The following HTR3B variants were observed in gnomAD, a reference collection of about 807,000 sequenced individuals.
HTR3B encodes 5-hydroxytryptamine (serotonin) receptor 3B, ionotropic.
HTR3B carries 44 observed loss-of-function variants against 42.8 expected under a neutral mutation model. The ratio of observed to expected loss-of-function variants is 1.03; its 90% CI spans 0.81 to 1.32. The LOEUF is 1.32. HTR3B is among the 40% of genes most tolerant of loss of function. The pLI, the probability that HTR3B is intolerant of heterozygous loss-of-function variation, is 0.00. For synonymous variants in HTR3B, 203 were observed against 209.0 expected (o/e 0.97, Z 0.25); for missense variants, 527 against 536.5 (o/e 0.98, Z 0.17).
At position 113,946,335 on chromosome 11, in the gene HTR3B, T is replaced by G; in HGVS notation, c.*198T>G. The G allele has an allele frequency of 5.2e-6, 2 of 387,680 alleles. No individual in the cohort carries two copies. Among genetic ancestry groups the G allele is most frequent in the Non-Finnish European group, 4.6e-6 (1 of 217,214 alleles). The allele number at this position is 387,680 out of a possible 1,614,324, so 24.0% of individuals were successfully genotyped here. On this transcript the variant is annotated 3_prime_UTR_variant, in exon 9 of 9. Coordinates refer to ENST00000260191, the MANE Select transcript of HTR3B (RefSeq NM_006028.5). ...GAGCAACATAGTGAGACCACATCTC[T>G]ACCAGTAAATAAATAAATAAATAAA...
At chr11:113,910,688 C>T (rs1226025522) in intron 2 of HTR3B, among the ~76,000 whole-genome samples, 1 of 152,032 alleles carries the variant, frequency 6.6e-6, no homozygotes, top group East Asian at 1.9e-4. Context: ...GATCCATCTG[C>T]CTCGGCCTCC....
rs1448991691 is a variant in HTR3B, at chr11:113,948,121, G to T, written c.*1984G>T. On this transcript the variant is annotated 3_prime_UTR_variant, in exon 9 of 9. Transcript: ENST00000260191. The stretch of plus-strand genomic sequence containing the variant: ...GCTGTTAATGAAATGAGGAACATAA[G>T]AAGTTTGTGAACAGGAAGTGTCCAT... Among the ~76,000 whole-genome samples the T allele has an allele frequency of 6.6e-6, 1 of 152,142 alleles. No individual in the cohort carries two copies. Among genetic ancestry groups the T allele is most frequent in the African/African-American group, 2.4e-5 (1 of 41,432 alleles).
chr11:113,910,486 G>A (rs775297335), intron 2 of HTR3B, among the ~76,000 whole-genome samples: 3 of 150,338 alleles, frequency 2.0e-5, no homozygotes, highest in Non-Finnish European at 4.4e-5. Context: ...TGTCACCCAG[G>A]CTGGAGTCCA....
At chr11:113,908,066 T>C (rs527470512) in intron 1 of HTR3B, among the ~76,000 whole-genome samples, 1 of 152,318 alleles carries the variant, frequency 6.6e-6, no homozygotes. Context: ...TTAGGCATCT[T>C]CTTGGGTGGA....
intron 2 of HTR3B, among the ~76,000 whole-genome samples, chr11:113,922,608 T>G (rs896936091): frequency 1.3e-5 from 2 of 151,998 alleles, no homozygotes; most frequent in African/African-American, 4.8e-5. Flanking sequence ...CAGGCTGGAG[T>G]GCAGTGGCAA....
At chr11:113,943,702 A>T (rs575541094) in intron 7 of HTR3B, among the ~76,000 whole-genome samples, 2 of 151,996 alleles carry the variant, frequency 1.3e-5, no homozygotes, top group African/African-American at 4.8e-5. Context: ...GATTTCAGCT[A>T]TTCAGGAAGC....
At chr11:113,913,631 C>T (rs1949821396) in intron 2 of HTR3B, among the ~76,000 whole-genome samples, 1 of 152,068 alleles carries the variant, frequency 6.6e-6, no homozygotes, top group Admixed American at 6.6e-5. Flanking sequence ...ACTCCAGCCT[C>T]AGTCTCCCGA....
In HTR3B at chr11:113,925,502, C is replaced by A. The variant is rs534594974; in HGVS notation, c.214-5882C>A. 1.6e-4 allele frequency among the ~76,000 whole-genome samples: 23 copies of A among 148,014 alleles called. No homozygotes were observed. The South Asian group carries it at 4.9e-3, about 32-fold the overall frequency. On this transcript the variant is annotated intron_variant, in intron 2 of 8. Coordinates refer to ENST00000260191, the MANE Select transcript of HTR3B (RefSeq NM_006028.5). ...GCAGTGGCGCCATCTCTGCTCACTG[C>A]AACCTCCGCCTCCTGGGTTCAAACG...
rs542694684 is a variant in HTR3B at position 113,939,050 on chromosome 11, G to T, written c.697-3932G>T. Reference sequence around the variant, plus strand: ...TGCCCTTAAATAACCACAAGAAAAAGGTGGATTCTTTCTTCTGGAAGAAAA... The same window carrying T: ...TGCCCTTAAATAACCACAAGAAAAATGTGGATTCTTTCTTCTGGAAGAAAA... On this transcript the variant is annotated intron_variant, in intron 6 of 8. Transcript: ENST00000260191. Among the ~76,000 whole-genome samples the T allele has an allele frequency of 4.0e-5, 6 of 151,676 alleles. No homozygotes were observed. The South Asian group carries it at 1.0e-3, about 26-fold the overall frequency.
chr11:113,914,233 C>T (rs1384011797), intron 2 of HTR3B, among the ~76,000 whole-genome samples: 2 of 151,622 alleles, frequency 1.3e-5, no homozygotes, highest in Non-Finnish European at 2.9e-5. Flanking sequence ...TTCGGGAGGC[C>T]GAGGCAGGTG....
chr11:113,927,809 C>T (rs892707447), intron 2 of HTR3B, among the ~76,000 whole-genome samples: 2 of 152,102 alleles, frequency 1.3e-5, no homozygotes, highest in Non-Finnish European at 2.9e-5. Flanking sequence ...CCTCCCACCT[C>T]GGCCTCCCAA....
chr11:113,922,808 G>A lies in HTR3B; in HGVS notation c.214-8576G>A, dbSNP rs543433040. On this transcript the variant is annotated intron_variant, in intron 2 of 8. Coordinates refer to ENST00000260191, the MANE Select transcript of HTR3B (RefSeq NM_006028.5). The stretch of plus-strand genomic sequence containing the variant: ...CTCACCTCGTGATCCGCCTGCCTTG[G>A]CCTCCCAAAGTGCTGGGATTATAGG... Among the ~76,000 whole-genome samples, 12 of 152,262 alleles carry A rather than the reference G, an allele frequency of 7.9e-5. No homozygotes were observed. In the South Asian group the frequency reaches 2.3e-3, roughly 29 times the overall value.
chr11:113,902,488 G>A (rs1949702835), upstream of HTR3B, among the ~76,000 whole-genome samples: 1 of 152,008 alleles, frequency 6.6e-6, no homozygotes, highest in South Asian at 2.1e-4. Flanking sequence ...GTAGAGACAG[G>A]GTTTCACCAT....
At chr11:113,923,521 C>G (rs1197566692) in intron 2 of HTR3B, among the ~76,000 whole-genome samples, 1 of 152,024 alleles carries the variant, frequency 6.6e-6, no homozygotes. Flanking sequence ...CCCAGCCAGA[C>G]GTTGAGGCAT....
In HTR3B at chr11:113,932,347, A is replaced by G; in HGVS notation, c.427A>G (p.Ile143Val). The change falls in exon 5 of 9, where the codon ATT (isoleucine) becomes GTT (valine). Residue 143 changes from isoleucine to valine, a missense_variant. By Grantham distance (29) the Ile-to-Val change is conservative. Transcript: ENST00000260191. ...PYVYVNSSGT[I>V]ENYKPIQVVS... The stretch of plus-strand genomic sequence containing the variant: ...TGTTTATGTGAACTCATCTGGGACC[A>G]TTGAGAACTATAAGCCCATCCAGGT... 4 of 1,613,640 alleles carry G rather than the reference A, an allele frequency of 2.5e-6. No homozygotes were observed. The highest frequency in any genetic ancestry group is 3.4e-6 in the Non-Finnish European group (4 of 1,179,544).
At chr11:113,904,101 T>C (rs144170025), upstream of HTR3B, among the ~76,000 whole-genome samples, 9 of 152,196 alleles carry the variant, frequency 5.9e-5, no homozygotes, top group East Asian at 1.7e-3. Context: ...CATCTGGGGG[T>C]GTCTAGAAAT....
chr11:113,909,387 C>A lies in HTR3B; in HGVS notation c.145C>A (p.Pro49Thr). The change falls in exon 2 of 9, where the codon CCT becomes ACT. Residue 49 changes from proline to threonine, a missense_variant. By Grantham distance (38) the Pro-to-Thr change is conservative. Transcript: ENST00000260191. ...ACAGAAATATCATAAAGAAGTGAGA[C>A]CTGTTTACAACTGGACCAAGGCCAC... is the stretch of plus-strand genomic sequence containing the variant. Reference protein sequence around the residue: ...LLQKYHKEVRPVYNWTKATTV... With the variant: ...LLQKYHKEVRTVYNWTKATTV... The A allele has an allele frequency of 1.9e-6, 3 of 1,613,916 alleles. No homozygotes were observed. Among genetic ancestry groups the A allele is most frequent in the Non-Finnish European group, 2.5e-6 (3 of 1,179,770 alleles).
intron 2 of HTR3B, among the ~76,000 whole-genome samples, chr11:113,923,364 A>G (rs1949934432): frequency 6.6e-6 from 1 of 152,230 alleles, no homozygotes; most frequent in Non-Finnish European, 1.5e-5. Context: ...GTCTTGTCTT[A>G]GAATTTCTGG....
At chr11:113,914,416 A>G (rs1949831615) in intron 2 of HTR3B, among the ~76,000 whole-genome samples, 1 of 150,872 alleles carries the variant, frequency 6.6e-6, no homozygotes, top group African/African-American at 2.4e-5. Context: ...GTGAGCCGAG[A>G]TCACGCCATT....
Sources: gnomAD v4.1 joint callset for allele counts (sites outside exome capture counted in the v4.1 genomes callset) on GRCh38, gnomAD v4.1.1 for gene constraint, MANE v1.5 for transcripts, NCBI Gene and HGNC (gene_info 2026-07-23, HGNC 2026-07-21) for gene names.